Variants in ANKZF1 observed in about 807,000 individuals in gnomAD.
The protein encoded by ANKZF1 is tRNA endonuclease ANKZF1.
ANKZF1 carries 84 observed loss-of-function variants against 86.0 expected under a neutral mutation model. The observed-to-expected ratio is 0.98, with a 90% CI of 0.82 to 1.17. The LOEUF is 1.17. ANKZF1 is among the 50% of genes most tolerant of loss of function. The probability of loss-of-function intolerance (pLI) is 0.00; values close to 1 mark genes in which losing one functional copy is unlikely to be tolerated. For missense variants in ANKZF1, 893 were observed against 918.4 expected (o/e 0.97, Z 0.36); for synonymous variants, 331 against 354.2 (o/e 0.93, Z 0.74).
rs199537659 is a variant in ANKZF1 at position 219,234,185 on chromosome 2, A to G, written c.1101A>G (p.Lys367=). Residue 367 remains lysine (K), a synonymous_variant, in exon 9 of 14, where the codon AAA becomes AAG. Coordinates refer to ENST00000323348, the MANE Select transcript of ANKZF1 (RefSeq NM_018089.3). The part of the protein sequence containing the change: ...VRLHSPQTHW[K]TVREERKKPT... Reference sequence around the variant, plus strand: ...TGCACTCACCTCAGACACACTGGAAAACAGTAAGAGAGGAGAGAAAGAAGC... The same window carrying G: ...TGCACTCACCTCAGACACACTGGAAGACAGTAAGAGAGGAGAGAAAGAAGC... 1.2e-6 allele frequency: 2 copies of G among 1,614,146 alleles called. No individual in the cohort carries two copies. Among genetic ancestry groups the G allele is most frequent in the South Asian group, 2.2e-5 (2 of 91,088 alleles).
intron 7 of ANKZF1, 123 bp from the exon 8 acceptor site, chr2:219,233,592 C>T: frequency 1.4e-6 from 2 of 1,401,490 alleles, no homozygotes; most frequent in Non-Finnish European, 1.9e-6. Context: ...CCTTAGTCCT[C>T]TATTCTTTCT....
At position 219,231,936 on chromosome 2, in the gene ANKZF1, G is replaced by C; in HGVS notation, c.157G>C (p.Glu53Gln). The C allele has an allele frequency of 1.2e-6, 2 of 1,613,684 alleles. No individual in the cohort carries two copies. The change falls in exon 3 of 14, where the codon GAG (glutamate) becomes CAG (glutamine). Residue 53 changes from glutamate (E) to glutamine (Q), a missense_variant. Glu to Gln is a conservative substitution (Grantham distance 29). Coordinates refer to ENST00000323348, the MANE Select transcript of ANKZF1 (RefSeq NM_018089.3). ...APRTSCSGSG[E>Q]RESPERKLLQ... ...CCTCTTCCCTTATTTAGGCTCAGGG[G>C]AGAGAGAAAGCCCAGAAAGAAAGCT...
chr2:219,234,889 GGACTCTGGATCTTTGT>G lies in ANKZF1; in HGVS notation c.1271_1286del (p.Thr424SerfsTer82). ...TTGGAGCTAGTGGAGTTGACTGTGG[GGACTCTGGATCTTTGT>G]GAGTCTGAAGTATTGCCCAAGCGGA... is the stretch of plus-strand genomic sequence containing the variant. On this transcript the variant is annotated frameshift_variant, in exon 10 of 14. Transcript: ENST00000323348. LOFTEE classifies it high-confidence loss of function. 6.2e-7 allele frequency: 1 copy of G among 1,614,158 alleles called. No individual in the cohort carries two copies. Among genetic ancestry groups the G allele is most frequent in the Non-Finnish European group, 8.5e-7 (1 of 1,180,044 alleles).
chr2:219,233,509 G>C (rs1951108794), intron 7 of ANKZF1, 76 bp downstream of exon 7: 6 of 1,487,408 alleles, frequency 4.0e-6, no homozygotes, highest in Non-Finnish European at 5.4e-6. Context: ...CTGTTAAGTA[G>C]GGAGGTTTTT....
At chr2:219,235,349 TAG>T in intron 10 of ANKZF1, 37 bp downstream of exon 10, 1 of 1,598,340 alleles carries the variant, frequency 6.3e-7, no homozygotes, top group East Asian at 2.2e-5. Context: ...ATTTTGGGTA[TAG>T]AGAGGATAAT....
Position 219,230,391 on chromosome 2 carries a change from G to C in ANKZF1, c.134G>C (p.Arg45Pro), listed in dbSNP as rs1443870433. The change falls in exon 2 of 14, where the codon CGT becomes CCT. Residue 45 changes from arginine to proline, a missense_variant. Physicochemically the swap from Arg to Pro is moderately radical, Grantham distance 103. Coordinates refer to ENST00000323348, the MANE Select transcript of ANKZF1 (RefSeq NM_018089.3). ...APGEALARAPRTSCSGSGERE... is the reference protein window; with the variant it reads ...APGEALARAPPTSCSGSGERE... ...GGGGAGGCTCTGGCCCGGGCTCCGC[G>C]TACTTCCTGTTCAGGTATCCTGGAA... The C allele has an allele frequency of 1.2e-6, 2 of 1,610,390 alleles. No homozygotes were observed. Among genetic ancestry groups the C allele is most frequent in the Admixed American group, 1.7e-5 (1 of 59,702 alleles).
rs1294601421 is a variant in ANKZF1 at position 219,235,846 on chromosome 2, C to T, written c.1942C>T (p.Arg648Ter). 4.3e-6 allele frequency: 7 copies of T among 1,614,054 alleles called. No individual in the cohort carries two copies. The highest frequency in any genetic ancestry group is 1.7e-5 in the Admixed American group (1 of 60,008). ...QEEREREEQR[R>*]FAALSDREKR... ...GGAGCGTGAACGAGAAGAGCAGCGG[C>T]GATTTGCCGCCCTCAGTGACCGAGA... Residue 648 changes from arginine (R) to a stop codon, truncating the protein, a stop_gained, in exon 12 of 14, where the codon CGA becomes TGA. Transcript: ENST00000323348. LOFTEE classifies it high-confidence loss of function.
Position 219,235,876 on chromosome 2 carries a change from G to A in ANKZF1, c.1971+1G>A. 6.2e-7 allele frequency: 1 copy of A among 1,614,156 alleles called. No individual in the cohort carries two copies. The highest frequency in any genetic ancestry group is 1.1e-5 in the South Asian group (1 of 91,086). ...TGCCGCCCTCAGTGACCGAGAGAAG[G>A]TGAGGCTGGAGGTTCTCTTGTCCAT... On this transcript the variant is annotated splice_donor_variant, in intron 12 of 13. Coordinates refer to ENST00000323348, the MANE Select transcript of ANKZF1 (RefSeq NM_018089.3). LOFTEE classifies it high-confidence loss of function.
At chr2:219,235,609 G>C (rs372535242) in intron 11 of ANKZF1, 24 bp downstream of exon 11, 30 of 1,613,574 alleles carry the variant, frequency 1.9e-5, no homozygotes, top group Non-Finnish European at 2.3e-5. Flanking sequence ...GGAAGGACAA[G>C]CAGAGTGGGA....
intron 9 of ANKZF1, 119 bp from the exon 10 acceptor site, chr2:219,234,707 C>G: frequency 7.5e-7 from 1 of 1,341,010 alleles, no homozygotes; most frequent in Non-Finnish European, 1.0e-6. Flanking sequence ...TCTTGATGTG[C>G]TACTTTTATC....
chr2:219,232,757 G>C, intron 5 of ANKZF1, 74 bp downstream of exon 5: 3 of 1,463,044 alleles, frequency 2.1e-6, no homozygotes, highest in Non-Finnish European at 2.8e-6. Context: ...TTAGCCTAGT[G>C]CATTTCTCCC....
At chr2:219,231,842 G>A (rs1426404120) in intron 2 of ANKZF1, 86 bp from the exon 3 acceptor site, 1 of 1,120,720 alleles carries the variant, frequency 8.9e-7, no homozygotes, top group Non-Finnish European at 1.4e-6. Context: ...ATCCTCCTCT[G>A]CTTTGTATAT....
intron 2 of ANKZF1, 110 bp from the exon 3 acceptor site, chr2:219,231,818 G>A (rs1278489184): frequency 1.2e-6 from 1 of 849,846 alleles, no homozygotes; most frequent in South Asian, 1.4e-5. Context: ...GCAGTATCAT[G>A]CCATCTCTTT....
At position 219,232,698 on chromosome 2, in the gene ANKZF1, A is replaced by C; in HGVS notation, c.558+15A>C. ...GCCCTCATCAGGCAAGTGACAGTAC[A>C]GGTTGCATGGCTAACCCCAGCCTTT... On this transcript the variant is annotated intron_variant, in intron 5 of 13. Coordinates refer to ENST00000323348, the MANE Select transcript of ANKZF1 (RefSeq NM_018089.3). 6.2e-7 allele frequency: 1 copy of C among 1,610,042 alleles called. No homozygotes were observed. Among genetic ancestry groups the C allele is most frequent in the Non-Finnish European group, 8.5e-7 (1 of 1,178,114 alleles).
Position 219,235,740 on chromosome 2 carries a change from A to T in ANKZF1, c.1836A>T (p.Ala612=). ...VPGPLTPEME[A]RQATRKREQK... ...GACCATTGACACCAGAAATGGAGGC[A>T]CGGCAGGCTACACGGAAAAGGGAGC... is the stretch of plus-strand genomic sequence containing the variant. Residue 612 remains alanine, a synonymous_variant, in exon 12 of 14, where the codon GCA becomes GCT. Transcript: ENST00000323348. 6.2e-7 allele frequency: 1 copy of T among 1,614,176 alleles called. No individual in the cohort carries two copies.
In ANKZF1 at chr2:219,232,623, T is replaced by C; in HGVS notation, c.498T>C (p.Leu166=). The change falls in exon 5 of 14, where the codon CTT becomes CTC. Residue 166 remains leucine, a synonymous_variant. Coordinates refer to ENST00000323348, the MANE Select transcript of ANKZF1 (RefSeq NM_018089.3). The part of the protein sequence containing the change: ...RPPGFYPHRV[L]FQNAQGQFLY... Reference sequence around the variant, plus strand: ...CAGGCTTTTACCCTCATCGAGTTCTTTTCCAGAATGCCCAGGGCCAGTTTC... The same window carrying C: ...CAGGCTTTTACCCTCATCGAGTTCTCTTCCAGAATGCCCAGGGCCAGTTTC... The C allele has an allele frequency of 6.2e-7, 1 of 1,614,176 alleles. No individual in the cohort carries two copies. Among genetic ancestry groups the C allele is most frequent in the Non-Finnish European group, 8.5e-7 (1 of 1,180,030 alleles).
Position 219,234,918 on chromosome 2 carries a change from T to C in ANKZF1, c.1297T>C (p.Leu433=), listed in dbSNP as rs1951158698. Residue 433 remains leucine, a synonymous_variant, in exon 10 of 14, where the codon TTG becomes CTG. Transcript: ENST00000323348. ...TCTGGATCTTTGTGAGTCTGAAGTA[T>C]TGCCCAAGCGGAGGAGGAGAAAAAG... is the stretch of plus-strand genomic sequence containing the variant. The part of the protein sequence containing the change: ...GTLDLCESEV[L]PKRRRRKRNK... 1 of 1,613,976 alleles carries C rather than the reference T, an allele frequency of 6.2e-7. No individual in the cohort carries two copies. The highest frequency in any genetic ancestry group is 1.3e-5 in the African/African-American group (1 of 74,884).
intron 6 of ANKZF1, 42 bp downstream of exon 6, chr2:219,233,233 G>A: frequency 6.2e-7 from 1 of 1,614,230 alleles, no homozygotes; most frequent in African/African-American, 1.3e-5. Flanking sequence ...AGTGGATCCT[G>A]TTAGCCAGGG....
intron 2 of ANKZF1, chr2:219,231,370 AT>A: frequency 4.6e-6 from 1 of 215,284 alleles, no homozygotes. Context: ...GCCAGTTTTT[AT>A]TTACATTCGT....
Sources: allele counts gnomAD v4.1 joint callset, GRCh38; gene constraint gnomAD v4.1.1; transcripts MANE v1.5; gene names NCBI Gene and HGNC (gene_info 2026-07-23, HGNC 2026-07-21).